TSKS: variants seen among roughly 807,000 people sequenced by gnomAD.
The protein encoded by TSKS is testis specific serine kinase substrate.
TSKS carries 27 observed loss-of-function variants against 68.0 expected under a neutral mutation model. The ratio of observed to expected loss-of-function variants is 0.40; its 90% CI spans 0.29 to 0.55. The LOEUF (loss-of-function observed/expected upper bound fraction) is 0.55. Among genes scored for constraint, TSKS ranks in the 20% least tolerant of loss-of-function variants. The pLI is 0.53. For synonymous variants in TSKS, 331 were observed against 340.4 expected (o/e 0.97, Z 0.30); for missense variants, 806 against 776.0 (o/e 1.04, Z -0.46).
intron 2 of TSKS, among the ~76,000 whole-genome samples, chr19:49,755,127 T>C (rs2084382814): frequency 6.6e-6 from 1 of 151,994 alleles, no homozygotes; most frequent in South Asian, 2.1e-4. Flanking sequence ...AAAAGTACAA[T>C]AACCAAAGTG....
At chr19:49,751,337 T>C (rs1424488975) in intron 2 of TSKS, among the ~76,000 whole-genome samples, 1 of 121,874 alleles carries the variant, frequency 8.2e-6, no homozygotes, top group Non-Finnish European at 1.8e-5. Flanking sequence ...AATTCAAAAA[T>C]TCCACCCCTC....
Position 49,740,103 on chromosome 19 carries a change from G to T in TSKS, c.1578C>A (p.Ala526=). ...SSTLRLAQDE[A]LRAKNLLLTD... is the part of the protein sequence containing the mutation. ...TCAGCAGTAGGTTCTTGGCCCGCAG[G>T]GCCTCGTCTTGGGCCAGCCGAAGGG... Residue 526 remains alanine (A), a synonymous_variant, in exon 10 of 11, where the codon GCC becomes GCA. Coordinates refer to ENST00000246801, the MANE Select transcript of TSKS (RefSeq NM_021733.2). 6.2e-7 allele frequency: 1 copy of T among 1,614,164 alleles called. No homozygotes were observed.
chr19:49,748,246 G>A, intron 3 of TSKS, 78 bp from the exon 4 acceptor site: 13 of 1,580,330 alleles, frequency 8.2e-6, no homozygotes, highest in Non-Finnish European at 1.1e-5. Context: ...GGCCTGGGAA[G>A]GTTCCTTTTC....
chr19:49,743,444 C>T (rs868500939), intron 8 of TSKS, among the ~76,000 whole-genome samples: 5 of 150,278 alleles, frequency 3.3e-5, no homozygotes, highest in Middle Eastern at 3.4e-3. Flanking sequence ...AGTGCAGTAG[C>T]GTGATCTCGG....
intron 2 of TSKS, among the ~76,000 whole-genome samples, chr19:49,749,343 C>G (rs549993400): frequency 6.6e-6 from 1 of 152,292 alleles, no homozygotes; most frequent in Admixed American, 6.5e-5. Flanking sequence ...AATCTAGATT[C>G]AGAACGCTTG....
chr19:49,746,551 C>T lies in TSKS; in HGVS notation c.911G>A (p.Gly304Glu). 1 of 1,613,516 alleles carries T rather than the reference C, an allele frequency of 6.2e-7. No individual in the cohort carries two copies. Among genetic ancestry groups the T allele is most frequent in the Non-Finnish European group, 8.5e-7 (1 of 1,179,878 alleles). ...RPHGLVPAGW[G>E]MGPRAGEGPY... ...GCCCTCGCCAGCCCGAGGCCCCATTCCCCAGCCTGCGGGGACCAGGCCGTG... is the reference window on the plus strand; with the variant it reads ...GCCCTCGCCAGCCCGAGGCCCCATTTCCCAGCCTGCGGGGACCAGGCCGTG... Residue 304 changes from glycine (G) to glutamate (E), a missense_variant, in exon 6 of 11, where the codon GGA becomes GAA. Physicochemically the swap from Gly to Glu is moderately conservative, Grantham distance 98 (BLOSUM62 -2). Coordinates refer to ENST00000246801, the MANE Select transcript of TSKS (RefSeq NM_021733.2).
chr19:49,739,937 C>A lies in TSKS; in HGVS notation c.1623-5G>T. On this transcript the variant is annotated splice_region_variant and splice_polypyrimidine_tract_variant and intron_variant, in intron 10 of 10. Transcript: ENST00000246801. ...TCCAGAGTGGCCATCTTCTCCCTGT[C>A]ATGAGGCAGCGGGGAGTTGATGGCG... The A allele has an allele frequency of 6.2e-7, 1 of 1,609,812 alleles. No individual in the cohort carries two copies. The highest frequency in any genetic ancestry group is 8.5e-7 in the Non-Finnish European group (1 of 1,176,684).
At chr19:49,748,573 G>T in intron 2 of TSKS, 104 bp from the exon 3 acceptor site, 1 of 1,089,822 alleles carries the variant, frequency 9.2e-7, no homozygotes. Flanking sequence ...CCTTGATTTT[G>T]CCCTGGAATG....
intron 9 of TSKS, among the ~76,000 whole-genome samples, chr19:49,741,022 CA>C (rs1211933330): frequency 6.6e-6 from 1 of 151,936 alleles, no homozygotes; most frequent in East Asian, 1.9e-4. Flanking sequence ...ACTGAAAACA[CA>C]AAAAATTAGC....
Position 49,760,572 on chromosome 19 carries a change from T to A in TSKS, c.399+1432A>T, listed in dbSNP as rs562672404. Among the ~76,000 whole-genome samples the A allele has an allele frequency of 2.7e-5, 4 of 150,010 alleles. No individual in the cohort carries two copies. The East Asian group carries it at 8.3e-4, about 31-fold the overall frequency. ...GACTGGTCTCGAACTCCTGACCTCA[T>A]GATCCACCCGCCTCGGCCTCCCAAA... On this transcript the variant is annotated intron_variant, in intron 2 of 10. Transcript: ENST00000246801.
chr19:49,741,851 AAAGTGGG>A, intron 9 of TSKS, 27 bp downstream of exon 9: 1 of 1,613,844 alleles, frequency 6.2e-7, no homozygotes, highest in Non-Finnish European at 8.5e-7. Context: ...ACAGAAAAGT[AAAGTGGG>A]ACATGGTGGC....
At position 49,741,889 on chromosome 19, in the gene TSKS, ATCT is replaced by A; in HGVS notation, c.1490_1492del (p.Lys497del). 1.9e-6 allele frequency: 3 copies of A among 1,614,086 alleles called. No individual in the cohort carries two copies. The highest frequency in any genetic ancestry group is 2.5e-6 in the Non-Finnish European group (3 of 1,179,988). On this transcript the variant is annotated inframe_deletion, in exon 9 of 11. Coordinates refer to ENST00000246801, the MANE Select transcript of TSKS (RefSeq NM_021733.2). ...GTGGCCCATATTCCCTGGTACCAGAATCTTCTTGTGTAGCCTCTGACAGCTGGG... is the reference window on the plus strand; with the variant it reads ...GTGGCCCATATTCCCTGGTACCAGAATCTTGTGTAGCCTCTGACAGCTGGG...
At chr19:49,756,986 A>G (rs1472241974) in intron 2 of TSKS, among the ~76,000 whole-genome samples, 3 of 152,190 alleles carry the variant, frequency 2.0e-5, no homozygotes, top group Non-Finnish European at 2.9e-5. Flanking sequence ...CTTGAACCTG[A>G]GAGGCACAGG....
rs559662680 is a variant in TSKS, at chr19:49,758,421, G to A, written c.399+3583C>T. Among the ~76,000 whole-genome samples the A allele has an allele frequency of 2.0e-5, 3 of 152,318 alleles. No individual in the cohort carries two copies. In the South Asian group the frequency reaches 6.2e-4, roughly 32 times the overall value. On this transcript the variant is annotated intron_variant, in intron 2 of 10. Transcript: ENST00000246801. ...GCAGCCCCACAGCGAGCTGGCAGCT[G>A]TGTCAGACCTTGATCCTGGCTGCCT... is the stretch of plus-strand genomic sequence containing the variant.
chr19:49,741,757 G>A, intron 9 of TSKS, 128 bp downstream of exon 9: 1 of 1,315,752 alleles, frequency 7.6e-7, no homozygotes. Flanking sequence ...CTCCCCCAGT[G>A]CCTGCTGCTC....
chr19:49,746,579 G>C lies in TSKS; in HGVS notation c.883C>G (p.Pro295Ala), dbSNP rs752515380. 1 of 1,612,498 alleles carries C rather than the reference G, an allele frequency of 6.2e-7. No individual in the cohort carries two copies. The change falls in exon 6 of 11, where the codon CCA (proline) becomes GCA (alanine). Residue 295 changes from proline to alanine, a missense_variant. Pro to Ala is a conservative substitution (Grantham distance 27). Coordinates refer to ENST00000246801, the MANE Select transcript of TSKS (RefSeq NM_021733.2). Reference sequence around the variant, plus strand: ...CAGCCTGCGGGGACCAGGCCGTGTGGCCGCGAGGGTTTGTCGGGACTCCCT... The same window carrying C: ...CAGCCTGCGGGGACCAGGCCGTGTGCCCGCGAGGGTTTGTCGGGACTCCCT... ...PPGSPDKPSR[P>A]HGLVPAGWGM...
intron 2 of TSKS, among the ~76,000 whole-genome samples, chr19:49,752,014 C>T (rs1404782287): frequency 6.6e-6 from 1 of 151,484 alleles, no homozygotes; most frequent in Non-Finnish European, 1.5e-5. Flanking sequence ...GTGGATGTTG[C>T]AGTGAGCCGA....
intron 2 of TSKS, among the ~76,000 whole-genome samples, chr19:49,759,768 G>C (rs1381099983): frequency 6.6e-6 from 1 of 152,038 alleles, no homozygotes; most frequent in African/African-American, 2.4e-5. Context: ...CCAAGGGTTT[G>C]AGGTTGCAGT....
intron 1 of TSKS, among the ~76,000 whole-genome samples, chr19:49,762,836 C>A (rs929552473): frequency 1.3e-5 from 2 of 152,074 alleles, no homozygotes; most frequent in African/African-American, 4.8e-5. Context: ...CTTCCCTCCC[C>A]ACTGGCTTTT....
Sources: gnomAD v4.1 joint callset for allele counts (sites outside exome capture counted in the v4.1 genomes callset) on GRCh38, gnomAD v4.1.1 for gene constraint, MANE v1.5 for transcripts, NCBI Gene and HGNC (gene_info 2026-07-23, HGNC 2026-07-21) for gene names.